The following TNS3 variants were observed in gnomAD, a reference collection of about 807,000 sequenced individuals.
TNS3 encodes the protein tensin 3, also known as tensin-3.
A neutral mutation model predicts 140.9 loss-of-function variants in TNS3; 45 were observed. The observed-to-expected ratio is 0.32, with a 90% CI of 0.25 to 0.41. TNS3 has a LOEUF of 0.41. Among genes scored for constraint, TNS3 ranks in the 10% least tolerant of loss-of-function variants. TNS3 has a pLI of 1.00. For missense variants in TNS3, 1,716 were observed against 1,906.7 expected, an observed-to-expected ratio of 0.90 and a Z score of 1.86; for synonymous variants, 815 against 788.4, an observed-to-expected ratio of 1.03 and a Z score of -0.56.
intron 16 of TNS3, among the ~76,000 whole-genome samples, chr7:47,374,192 G>GAA (rs1182189388): frequency 2.0e-5 from 3 of 152,212 alleles, no homozygotes; most frequent in African/African-American, 7.2e-5. Context: ...CAGGAAGCAT[G>GAA]GGCCAGAGAT....
chr7:47,327,098 G>A (rs1788065759), intron 20 of TNS3, among the ~76,000 whole-genome samples: 1 of 152,208 alleles, frequency 6.6e-6, no homozygotes, highest in South Asian at 2.1e-4. Context: ...CCAGGCGCCA[G>A]CCCTGCCCGT....
intron 13 of TNS3, among the ~76,000 whole-genome samples, chr7:47,409,639 C>T (rs571285344): frequency 1.3e-5 from 2 of 151,902 alleles, no homozygotes; most frequent in South Asian, 2.1e-4. Flanking sequence ...AGCATCGCCC[C>T]CAGCCTCTCT....
chr7:47,440,121 A>C (rs1795392072), intron 5 of TNS3, among the ~76,000 whole-genome samples: 1 of 151,988 alleles, frequency 6.6e-6, no homozygotes, highest in South Asian at 2.1e-4. Flanking sequence ...AGATGGTGTG[A>C]GCAGAAGCCA....
At chr7:47,337,308 C>G (rs955935443) in intron 20 of TNS3, among the ~76,000 whole-genome samples, 1 of 152,202 alleles carries the variant, frequency 6.6e-6, no homozygotes, top group Non-Finnish European at 1.5e-5. Flanking sequence ...GGCTATTTCT[C>G]TTGGACACCT....
chr7:47,405,808 C>T (rs1261008928), intron 13 of TNS3, among the ~76,000 whole-genome samples: 2 of 152,140 alleles, frequency 1.3e-5, no homozygotes, highest in Non-Finnish European at 2.9e-5. Context: ...CAACCAGCAA[C>T]AGCACTATTT....
intron 16 of TNS3, among the ~76,000 whole-genome samples, chr7:47,385,948 C>T (rs761361524): frequency 5.3e-5 from 8 of 152,178 alleles, no homozygotes; most frequent in Non-Finnish European, 1.0e-4. Flanking sequence ...TTGCTCTAAC[C>T]GTTTGGCCTA....
intron 4 of TNS3, among the ~76,000 whole-genome samples, chr7:47,460,484 C>T (rs1014372370): frequency 6.6e-6 from 1 of 152,146 alleles, no homozygotes; most frequent in African/African-American, 2.4e-5. Context: ...CTCTGAGATG[C>T]CTGGTGGGTG....
At chr7:47,360,813 G>A (rs2151088469) in intron 17 of TNS3, among the ~76,000 whole-genome samples, 1 of 152,260 alleles carries the variant, frequency 6.6e-6, no homozygotes. Flanking sequence ...TGAGGGCCCG[G>A]CACTGGCAGG....
At chr7:47,552,812 G>C (rs1326279949) in intron 1 of TNS3, among the ~76,000 whole-genome samples, 1 of 152,208 alleles carries the variant, frequency 6.6e-6, no homozygotes, top group Non-Finnish European at 1.5e-5. Flanking sequence ...AAATGAGTCA[G>C]CTTAGTGGGG....
At chr7:47,468,948 A>G (rs1167121050) in intron 4 of TNS3, among the ~76,000 whole-genome samples, 1 of 152,208 alleles carries the variant, frequency 6.6e-6, no homozygotes, top group Non-Finnish European at 1.5e-5. Flanking sequence ...ACTTACAACC[A>G]TCTAATCTTC....
intron 4 of TNS3, among the ~76,000 whole-genome samples, chr7:47,465,781 G>A (rs1035724707): frequency 4.6e-5 from 7 of 151,892 alleles, no homozygotes; most frequent in East Asian, 1.9e-4. Context: ...AAAATTAGCC[G>A]GGCGTGGTGG....
At chr7:47,499,185 C>T (rs1161428647) in intron 3 of TNS3, among the ~76,000 whole-genome samples, 1 of 152,222 alleles carries the variant, frequency 6.6e-6, no homozygotes, top group Non-Finnish European at 1.5e-5. Flanking sequence ...ATGGGATTCA[C>T]ACAGTGGGGC....
At chr7:47,555,274 G>A (rs113124970) in intron 1 of TNS3, among the ~76,000 whole-genome samples, 6,225 of 151,360 alleles carry the variant, frequency 0.041, 437 homozygotes, top group African/African-American at 0.14. Context: ...GGTGGCAGGC[G>A]CCTGTAATCC....
In TNS3 at chr7:47,465,925, A is replaced by AAAATAAATAAATAAATAAATAAAT. The variant is rs373640446; in HGVS notation, c.-76+15154_-76+15177dup. On this transcript the variant is annotated intron_variant, in intron 4 of 30. Transcript: ENST00000311160. ...GGCAACAAGAGCGAAACTCCGTCTA[A>AAAATAAATAAATAAATAAATAAAT]AAATAAATAAATAAATAAATAAATA... is the stretch of plus-strand genomic sequence containing the variant. Among the ~76,000 whole-genome samples, 327 of 150,478 alleles carry AAAATAAATAAATAAATAAATAAAT rather than the reference A, an allele frequency of 2.2e-3. 1 individual carries two copies. The highest frequency in any genetic ancestry group is 7.6e-3 in the African/African-American group (309 of 40,428).
At position 47,312,411 on chromosome 7, in the gene TNS3, G is replaced by A. The variant is rs562154775; in HGVS notation, c.2651-7408C>T. Among the ~76,000 whole-genome samples the A allele has an allele frequency of 1.7e-4, 26 of 152,224 alleles. 1 individual carries two copies. In the South Asian group the frequency reaches 5.4e-3, roughly 32 times the overall value. On this transcript the variant is annotated intron_variant, in intron 20 of 30. Coordinates refer to ENST00000311160, the MANE Select transcript of TNS3 (RefSeq NM_022748.12). ...TCCGTATTTCTTTTCCATTAAAAAT[G>A]TCTTTGCTGGGGCTGGGTGCGGCGG...
chr7:47,392,714 C>T (rs1011671898), intron 16 of TNS3, among the ~76,000 whole-genome samples: 3 of 152,204 alleles, frequency 2.0e-5, no homozygotes, highest in Non-Finnish European at 2.9e-5. Context: ...CAGGCAAGAG[C>T]GAAGACTGCC....
chr7:47,428,792 G>A (rs574993048), intron 8 of TNS3, among the ~76,000 whole-genome samples: 1 of 152,378 alleles, frequency 6.6e-6, no homozygotes, highest in East Asian at 1.9e-4. Flanking sequence ...ACACAGCTCA[G>A]CATGATGGGA....
intron 14 of TNS3, 150 bp downstream of exon 14, chr7:47,400,635 G>A (rs1192982564): frequency 7.1e-7 from 1 of 1,405,516 alleles, no homozygotes; most frequent in African/African-American, 1.4e-5. Context: ...TTTTCCCCCA[G>A]GGATCAATGA....
chr7:47,389,465 T>G (rs1792381327), intron 16 of TNS3, among the ~76,000 whole-genome samples: 1 of 152,220 alleles, frequency 6.6e-6, no homozygotes, highest in African/African-American at 2.4e-5. Context: ...TCTTGTGGGC[T>G]GATTTCTGCA....
Sources: gnomAD v4.1 joint callset for allele counts (sites outside exome capture counted in the v4.1 genomes callset) on GRCh38, gnomAD v4.1.1 for gene constraint, MANE v1.5 for transcripts, NCBI Gene and HGNC (gene_info 2026-07-23, HGNC 2026-07-21) for gene names.